MME: variants seen among roughly 807,000 people sequenced by gnomAD.
The protein encoded by MME is membrane metalloendopeptidase, also known as neprilysin.
MME carries 98 observed loss-of-function variants against 113.2 expected under a neutral mutation model. That is an observed-to-expected ratio of 0.87 (90% CI 0.74 to 1.02). MME has a LOEUF of 1.02. MME is among the 50% of genes least tolerant of loss of function. MME has a pLI of 0.00. For missense variants in MME, 836 were observed against 896.0 expected, an observed-to-expected ratio of 0.93 and a Z score of 0.86; for synonymous variants, 292 against 300.6, an observed-to-expected ratio of 0.97 and a Z score of 0.30.
chr3:155,153,246 C>T (rs901370719), intron 16 of MME, among the ~76,000 whole-genome samples: 2 of 151,944 alleles, frequency 1.3e-5, no homozygotes, highest in Non-Finnish European at 2.9e-5. Context: ...AGGCTGGTCT[C>T]GAACTCCTGA....
upstream of MME, among the ~76,000 whole-genome samples, chr3:155,076,554 G>A (rs758500818): frequency 6.6e-6 from 1 of 152,116 alleles, no homozygotes; most frequent in African/African-American, 2.4e-5. Context: ...CCCAAAAGAG[G>A]GTTCTTGGAC....
chr3:155,163,771 A>G (rs1363729851), intron 17 of MME, among the ~76,000 whole-genome samples: 2 of 152,134 alleles, frequency 1.3e-5, no homozygotes, highest in Non-Finnish European at 2.9e-5. Flanking sequence ...AAATTGCCTT[A>G]TTTATTCTTA....
chr3:155,125,382 G>A (rs1340174583), intron 8 of MME, among the ~76,000 whole-genome samples: 5 of 146,404 alleles, frequency 3.4e-5, no homozygotes, highest in East Asian at 2.1e-4. Flanking sequence ...CATCTTCTGC[G>A]TTGCTCACGC....
At chr3:155,076,852 G>A (rs1714765355), upstream of MME, among the ~76,000 whole-genome samples, 1 of 152,168 alleles carries the variant, frequency 6.6e-6, no homozygotes, top group Non-Finnish European at 1.5e-5. Context: ...CATAGCACTG[G>A]TGGTAGTGTC....
intron 8 of MME, among the ~76,000 whole-genome samples, chr3:155,133,054 A>ATATAT (rs1376707409): frequency 1.9e-4 from 16 of 86,158 alleles, no homozygotes; most frequent in African/African-American, 7.2e-4. Context: ...AAAAAAAAAA[A>ATATAT]AAAAAAAAAT....
chr3:155,162,187 T>G (rs2108353977), intron 17 of MME, among the ~76,000 whole-genome samples: 1 of 152,280 alleles, frequency 6.6e-6, no homozygotes, highest in Admixed American at 6.5e-5. Flanking sequence ...GTAGGACCAC[T>G]CTGGCATGTT....
intron 1 of MME, chr3:155,083,689 A>T (rs1178477839): frequency 6.1e-6 from 1 of 164,766 alleles, no homozygotes; most frequent in Non-Finnish European, 1.3e-5. Context: ...ATTATTGCTT[A>T]GTCAAAACCT....
Position 155,147,102 on chromosome 3 carries a change from G to C in MME, c.1417-42G>C, listed in dbSNP as rs775643736. ...GCAGATTATAAATTTGTATCTGAAA[G>C]TTATATAATCATCTTCACATTCAAT... On this transcript the variant is annotated intron_variant, in intron 14 of 22. Transcript: ENST00000360490. The C allele has an allele frequency of 4.7e-6, 6 of 1,270,700 alleles. No homozygotes were observed. In the South Asian group the frequency reaches 7.1e-5, roughly 15 times the overall value. The allele number at this position is 1,270,700 out of a possible 1,614,324, so 78.7% of individuals were successfully genotyped here.
chr3:155,167,842 CAA>C (rs1041124285), intron 18 of MME, among the ~76,000 whole-genome samples: 1 of 152,056 alleles, frequency 6.6e-6, no homozygotes, highest in African/African-American at 2.4e-5. Context: ...CCAAAGGTAA[CAA>C]AGATAGGAAC....
rs556680364 is a variant in MME, at chr3:155,171,267, A to G, written c.1981-850A>G. Among the ~76,000 whole-genome samples the G allele has an allele frequency of 2.4e-4, 36 of 152,268 alleles. 1 individual carries two copies. The highest frequency in any genetic ancestry group is 7.5e-4 in the African/African-American group (31 of 41,564). On this transcript the variant is annotated intron_variant, in intron 20 of 22. Transcript: ENST00000360490. ...CCCCCTGCTAGATTGCGAGCTCTCTAAGAGGGAGCAGGTGCAAGCCTTTCC... is the reference window on the plus strand; with the variant it reads ...CCCCCTGCTAGATTGCGAGCTCTCTGAGAGGGAGCAGGTGCAAGCCTTTCC...
intron 20 of MME, among the ~76,000 whole-genome samples, chr3:155,169,495 C>G (rs1182487009): frequency 6.6e-6 from 1 of 152,078 alleles, no homozygotes; most frequent in African/African-American, 2.4e-5. Flanking sequence ...ATTTGAGGAT[C>G]TGAGCAAGGG....
intron 8 of MME, among the ~76,000 whole-genome samples, chr3:155,119,265 A>G (rs2108262698): frequency 6.6e-6 from 1 of 152,286 alleles, no homozygotes; most frequent in Admixed American, 6.5e-5. Context: ...CATTGGGCTC[A>G]GACAAACTTT....
intron 17 of MME, among the ~76,000 whole-genome samples, chr3:155,161,252 T>G (rs1722704373): frequency 6.6e-6 from 1 of 152,056 alleles, no homozygotes; most frequent in African/African-American, 2.4e-5. Flanking sequence ...CTCAACTGAT[T>G]CAGTACTGCC....
chr3:155,051,868 T>G (rs905558923), intron 1 of MME, among the ~76,000 whole-genome samples: 38 of 152,270 alleles, frequency 2.5e-4, no homozygotes, highest in African/African-American at 8.9e-4. Context: ...GTCTGAAGTC[T>G]TATCTGAGAC....
rs375478749 is a variant in MME, at chr3:155,107,573, G to A, written c.197-7421G>A. On this transcript the variant is annotated intron_variant, in intron 3 of 22. Coordinates refer to ENST00000360490, the MANE Select transcript of MME (RefSeq NM_007289.4). ...TCCTGTTTTGTACATTTTTCTAGAT[G>A]CTTCAAAAAGACCCAAAGAAAAGAG... 5.3e-5 allele frequency among the ~76,000 whole-genome samples: 8 copies of A among 152,032 alleles called. No individual in the cohort carries two copies. The East Asian group carries it at 1.3e-3, about 26-fold the overall frequency.
At chr3:155,172,667 A>C in intron 22 of MME, 55 bp downstream of exon 22, 1 of 1,307,388 alleles carries the variant, frequency 7.6e-7, no homozygotes, top group Non-Finnish European at 1.1e-6. Context: ...CATTGCTTCC[A>C]CATTTGGAAT....
intron 1 of MME, among the ~76,000 whole-genome samples, chr3:155,037,106 C>T (rs1018938607): frequency 5.3e-5 from 8 of 152,168 alleles, no homozygotes; most frequent in Non-Finnish European, 1.2e-4. Flanking sequence ...GGCAGTACTG[C>T]GCTGTCCTGA....
intron 1 of MME, among the ~76,000 whole-genome samples, chr3:155,052,161 C>G (rs1310841828): frequency 6.6e-6 from 1 of 152,206 alleles, no homozygotes. Flanking sequence ...CTGTGGCTTT[C>G]CAGGGTACAG....
chr3:155,165,555 G>A (rs2108360416), intron 17 of MME, among the ~76,000 whole-genome samples: 1 of 152,262 alleles, frequency 6.6e-6, no homozygotes, highest in Non-Finnish European at 1.5e-5. Context: ...ATTTTTAGCA[G>A]GAGAATGATG....
Sources: allele counts gnomAD v4.1 joint callset (sites outside exome capture counted in the v4.1 genomes callset), GRCh38; gene constraint gnomAD v4.1.1; transcripts MANE v1.5; gene names NCBI Gene and HGNC (gene_info 2026-07-23, HGNC 2026-07-21).